SLC45A2: variants seen among roughly 807,000 people sequenced by gnomAD.
The protein encoded by SLC45A2 is solute carrier family 45 member 2.
Under a neutral mutation model 45.5 loss-of-function variants are expected in SLC45A2, and 36 were observed. The observed-to-expected ratio is 0.79, with a 90% CI of 0.61 to 1.04. The LOEUF is 1.04. Ranked by LOEUF, SLC45A2 falls within the 50% of genes least tolerant of loss-of-function variation. SLC45A2 has a pLI of 0.00. For synonymous variants in SLC45A2, 306 were observed against 269.3 expected, an observed-to-expected ratio of 1.14 and a Z score of -1.33; for missense variants, 719 against 671.0, an observed-to-expected ratio of 1.07 and a Z score of -0.79.
chr5:33,982,865 A>T (rs1287151058), intron 1 of SLC45A2, among the ~76,000 whole-genome samples: 1 of 152,248 alleles, frequency 6.6e-6, no homozygotes, highest in Non-Finnish European at 1.5e-5. Flanking sequence ...AAAAAAGCTG[A>T]GGGAGATGCT....
intron 2 of SLC45A2, chr5:33,972,169 T>C (rs1317116477): frequency 1.3e-5 from 7 of 520,144 alleles, no homozygotes; most frequent in South Asian, 5.8e-5. Context: ...TTTTTATGGA[T>C]GAATTAGATG....
intron 5 of SLC45A2, among the ~76,000 whole-genome samples, chr5:33,950,469 T>C (rs780192717): frequency 6.6e-6 from 1 of 152,208 alleles, no homozygotes; most frequent in Non-Finnish European, 1.5e-5. Flanking sequence ...ACGTGATTAT[T>C]GGGCTCATCA....
chr5:33,982,105 C>T, intron 2 of SLC45A2, 131 bp downstream of exon 2: 2 of 982,356 alleles, frequency 2.0e-6, no homozygotes, highest in Non-Finnish European at 3.2e-6. Flanking sequence ...ACAGTGCCCG[C>T]ATGACGGGAG....
chr5:33,971,108 T>C (rs1752763844), intron 2 of SLC45A2: 2 of 525,750 alleles, frequency 3.8e-6, no homozygotes, highest in Non-Finnish European at 7.8e-6. Context: ...TGTTGGGAGT[T>C]GTCGTCGACA....
intron 6 of SLC45A2, among the ~76,000 whole-genome samples, chr5:33,945,452 TATA>T (rs1162689810): frequency 6.6e-6 from 1 of 152,226 alleles, no homozygotes; most frequent in Non-Finnish European, 1.5e-5. Flanking sequence ...ACTTGATTAA[TATA>T]ATAATGTTTG....
intron 6 of SLC45A2, among the ~76,000 whole-genome samples, chr5:33,945,286 A>T (rs1751885991): frequency 6.6e-6 from 1 of 152,228 alleles, no homozygotes; most frequent in Non-Finnish European, 1.5e-5. Flanking sequence ...GTGGCGGGCC[A>T]TAATCAATAC....
chr5:33,946,795 G>T, intron 6 of SLC45A2: 1 of 1,181,066 alleles, frequency 8.5e-7, no homozygotes, highest in Non-Finnish European at 1.1e-6. Context: ...GCTGCAGGTG[G>T]CACCAGGGAG....
chr5:33,975,671 C>T (rs1231966355), intron 2 of SLC45A2, among the ~76,000 whole-genome samples: 1 of 152,082 alleles, frequency 6.6e-6, no homozygotes, highest in African/African-American at 2.4e-5. Context: ...TGTAATTGCT[C>T]CTTCCTTTTT....
In SLC45A2 at chr5:33,951,795, G is replaced by C. The variant is rs1010138248; in HGVS notation, c.1033-118C>G. ...GTCCCTGCCTGAGGGACCCTTTCTAGAGTACAGAGCTGATGCTGTCATGAC... is the reference window on the plus strand; with the variant it reads ...GTCCCTGCCTGAGGGACCCTTTCTACAGTACAGAGCTGATGCTGTCATGAC... On this transcript the variant is annotated intron_variant, in intron 4 of 6. Transcript: ENST00000296589. 9 of 1,260,880 alleles carry C rather than the reference G, an allele frequency of 7.1e-6. No homozygotes were observed. The African/African-American group carries it at 1.2e-4, about 16-fold the overall frequency. 78.1% of individuals were successfully genotyped at this position (1,260,880 alleles called of 1,614,324 possible). A position where few individuals can be genotyped will look rare whatever the true frequency, so the allele number is the denominator to read the frequency against.
At chr5:33,971,408 A>G in intron 2 of SLC45A2, 2 of 456,310 alleles carry the variant, frequency 4.4e-6, no homozygotes, top group Middle Eastern at 8.3e-4. Context: ...CACACAAGCT[A>G]TTGCTGGCCA....
chr5:33,982,181 G>A (rs1215732176), intron 2 of SLC45A2, 55 bp downstream of exon 2: 1 of 1,596,162 alleles, frequency 6.3e-7, no homozygotes. Flanking sequence ...GGCTTTAGTG[G>A]AAGTGCCTCA....
Position 33,947,283 on chromosome 5 carries a change from C to T in SLC45A2, c.1248G>A (p.Gly416=), listed in dbSNP as rs770556428. 6.2e-7 allele frequency: 1 copy of T among 1,614,174 alleles called. No individual in the cohort carries two copies. Among genetic ancestry groups the T allele is most frequent in the East Asian group, 2.2e-5 (1 of 44,874 alleles). The change falls in exon 6 of 7, where the codon GGG becomes GGA. Residue 416 remains glycine (G), a synonymous_variant. Transcript: ENST00000296589. Reference sequence around the variant, plus strand: ...GGGTGGAGTAGACATTCGGGAAGAGCCCAATAAATCCCGTCCCCAGGCCAA... The same window carrying T: ...GGGTGGAGTAGACATTCGGGAAGAGTCCAATAAATCCCGTCCCCAGGCCAA... ...LLFGLGTGFI[G]LFPNVYSTLV... is the part of the protein sequence containing the mutation.
At chr5:33,946,466 A>G (rs35407) in intron 6 of SLC45A2, 894,506 of 985,534 alleles carry the variant, frequency 0.91, 425,705 homozygotes, top group Non-Finnish European at 0.98. Flanking sequence ...CTATTTTCAC[A>G]GGAAGAAAGT....
chr5:33,965,021 A>C (rs1752564705), intron 2 of SLC45A2, among the ~76,000 whole-genome samples: 1 of 152,228 alleles, frequency 6.6e-6, no homozygotes, highest in South Asian at 2.1e-4. Context: ...CATCCACTAC[A>C]TATGTCACAA....
intron 5 of SLC45A2, among the ~76,000 whole-genome samples, chr5:33,949,555 A>G (rs1393555471): frequency 6.6e-6 from 1 of 152,208 alleles, no homozygotes; most frequent in Non-Finnish European, 1.5e-5. Context: ...GAACTAGGCC[A>G]AACTGTGAAA....
intron 6 of SLC45A2, chr5:33,946,255 A>C: frequency 1.0e-6 from 1 of 985,456 alleles, no homozygotes; most frequent in Non-Finnish European, 1.2e-6. Context: ...GGGGATGAGG[A>C]AAGCCACACC....
rs375578316 is a variant in SLC45A2 at position 33,944,639 on chromosome 5, T to G, written c.*9A>C. ...TCTCTGAGGTTAGGGTCATTGTCTC[T>G]TTATTGACCTAATCCACATATCTAA... On this transcript the variant is annotated 3_prime_UTR_variant, in exon 7 of 7. Coordinates refer to ENST00000296589, the MANE Select transcript of SLC45A2 (RefSeq NM_016180.5). The G allele has an allele frequency of 5.0e-6, 8 of 1,613,416 alleles. No individual in the cohort carries two copies. In the African/African-American group the frequency reaches 8.0e-5, roughly 16 times the overall value.
chr5:33,976,325 C>T (rs970773393), intron 2 of SLC45A2, among the ~76,000 whole-genome samples: 1 of 152,236 alleles, frequency 6.6e-6, no homozygotes, highest in Non-Finnish European at 1.5e-5. Flanking sequence ...TATCCTCTCA[C>T]TCATTCACAC....
At chr5:33,954,905 T>C (rs1225927385) in intron 3 of SLC45A2, among the ~76,000 whole-genome samples, 1 of 152,200 alleles carries the variant, frequency 6.6e-6, no homozygotes, top group Non-Finnish European at 1.5e-5. Context: ...AGTAGGCAAA[T>C]CCAAGATGTC....
Sources: gnomAD v4.1 joint callset for allele counts (sites outside exome capture counted in the v4.1 genomes callset) on GRCh38, gnomAD v4.1.1 for gene constraint, MANE v1.5 for transcripts, NCBI Gene and HGNC (gene_info 2026-07-23, HGNC 2026-07-21) for gene names.